ATP11B: variants seen among roughly 807,000 people sequenced by gnomAD.
ATP11B encodes phospholipid-transporting ATPase IF.
A neutral mutation model predicts 157.8 loss-of-function variants in ATP11B; 81 were observed. The observed-to-expected ratio is 0.51, with a 90% CI of 0.43 to 0.62. The LOEUF (loss-of-function observed/expected upper bound fraction) is 0.62, where lower values mean the gene tolerates loss of function less well. ATP11B is among the 20% of genes least tolerant of loss of function. The pLI, the probability that ATP11B is intolerant of heterozygous loss-of-function variation, is 0.00. For synonymous variants in ATP11B, 451 were observed against 469.4 expected, an observed-to-expected ratio of 0.96 and a Z score of 0.51; for missense variants, 1,165 against 1,402.2, an observed-to-expected ratio of 0.83 and a Z score of 2.70.
rs188531029 is a variant in ATP11B, at chr3:182,896,129, T to C, written c.2983-571T>C. 1.4e-3 allele frequency among the ~76,000 whole-genome samples: 206 copies of C among 152,358 alleles called. 3 individuals carry two copies. Among genetic ancestry groups the C allele is most frequent in the Middle Eastern group, 0.01 (3 of 294 alleles). On this transcript the variant is annotated intron_variant, in intron 25 of 29. Transcript: ENST00000323116. ...GGGTTCTGCGTGATTAATACCTTAG[T>C]AAGTTTTGGCTCTAAAGCCCAGGGG...
intron 1 of ATP11B, among the ~76,000 whole-genome samples, chr3:182,805,335 G>A (rs1716260835): frequency 6.6e-6 from 1 of 152,114 alleles, no homozygotes; most frequent in African/African-American, 2.4e-5. Flanking sequence ...GGTATGAATA[G>A]TATCTTACTG....
chr3:182,827,701 G>A (rs1469464315), intron 2 of ATP11B, among the ~76,000 whole-genome samples: 3 of 150,510 alleles, frequency 2.0e-5, no homozygotes, highest in Non-Finnish European at 4.4e-5. Context: ...TGTTTCTGAT[G>A]CTAAACTAAC....
intron 25 of ATP11B, among the ~76,000 whole-genome samples, chr3:182,892,340 AGTTT>A (rs1281312445): frequency 6.6e-6 from 1 of 152,158 alleles, no homozygotes. Flanking sequence ...CTTAGCACTG[AGTTT>A]GTTGAATGCT....
At chr3:182,881,841 C>T (rs1030201777) in intron 21 of ATP11B, among the ~76,000 whole-genome samples, 3 of 152,072 alleles carry the variant, frequency 2.0e-5, no homozygotes, top group South Asian at 2.1e-4. Context: ...GATCCTACAG[C>T]GCATTTTAAA....
rs199693389 is a variant in ATP11B, at chr3:182,914,811, G to A, written c.3452+817G>A. On this transcript the variant is annotated intron_variant, in intron 29 of 29. Transcript: ENST00000323116. ...TCCCCAAGAGTTATATCACTATTTA[G>A]AGGATGTTAGGGGGTAGAAAGAGCT... 4 of 985,290 alleles carry A rather than the reference G, an allele frequency of 4.1e-6. No individual in the cohort carries two copies. The East Asian group carries it at 4.5e-4, about 112-fold the overall frequency. The allele number at this position is 985,290 out of a possible 1,614,324, so 61.0% of individuals were successfully genotyped here. A position where few individuals can be genotyped will look rare whatever the true frequency, so the allele number is the denominator to read the frequency against.
intron 29 of ATP11B, chr3:182,914,720 A>C (rs1197934314): frequency 2.0e-6 from 2 of 985,322 alleles, no homozygotes; most frequent in Non-Finnish European, 2.4e-6. Flanking sequence ...ACGAAAAAAA[A>C]CACCTTTTGG....
At chr3:182,884,504 TA>T (rs1357628826) in intron 21 of ATP11B, among the ~76,000 whole-genome samples, 1 of 152,132 alleles carries the variant, frequency 6.6e-6, no homozygotes, top group Non-Finnish European at 1.5e-5. Flanking sequence ...TATTATTTTT[TA>T]TATTGTATTT....
chr3:182,820,526 AT>A (rs1717266324), intron 2 of ATP11B, 150 bp downstream of exon 2: 4 of 600,594 alleles, frequency 6.7e-6, no homozygotes, highest in Non-Finnish European at 1.2e-5. Flanking sequence ...TCTGCAAAAA[AT>A]CAAAAAATTA....
chr3:182,911,320 C>A (rs1461972945), intron 28 of ATP11B, among the ~76,000 whole-genome samples: 1 of 130,746 alleles, frequency 7.6e-6, no homozygotes, highest in Non-Finnish European at 1.5e-5. Context: ...CCACCTTTTT[C>A]ATCAAATCTT....
rs749269607 is a variant in ATP11B, at chr3:182,869,092, A to G, written c.1703A>G (p.His568Arg). 2 of 1,609,800 alleles carry G rather than the reference A, an allele frequency of 1.2e-6. No homozygotes were observed. The highest frequency in any genetic ancestry group is 2.2e-5 in the East Asian group (1 of 44,656). ...CTTTTGTTTAGGTACAAACTGCTTC[A>G]TATTCTGGAATTTGATTCAGATCGT... ...LGKLERYKLL[H>R]ILEFDSDRRR... Residue 568 changes from histidine (H) to arginine (R), a missense_variant, in exon 16 of 30, where the codon CAT (histidine) becomes CGT (arginine). His to Arg is a conservative substitution (Grantham distance 29, BLOSUM62 0). Transcript: ENST00000323116.
chr3:182,878,971 C>A (rs535571315), intron 19 of ATP11B, among the ~76,000 whole-genome samples: 36 of 152,214 alleles, frequency 2.4e-4, no homozygotes, highest in African/African-American at 7.2e-4. Flanking sequence ...TATATCAGTT[C>A]ATTGTAAAAT....
chr3:182,840,543 A>C (rs1162377444), intron 7 of ATP11B, among the ~76,000 whole-genome samples: 1 of 152,170 alleles, frequency 6.6e-6, no homozygotes, highest in Non-Finnish European at 1.5e-5. Flanking sequence ...CAAATTAATA[A>C]TCAAGCTGAA....
intron 10 of ATP11B, among the ~76,000 whole-genome samples, chr3:182,856,774 T>G (rs1720441302): frequency 6.6e-6 from 1 of 152,176 alleles, no homozygotes; most frequent in African/African-American, 2.4e-5. Context: ...TACTCCATAG[T>G]TAAGATTAGG....
At chr3:182,886,686 G>T (rs925636194) in intron 23 of ATP11B, among the ~76,000 whole-genome samples, 4 of 152,060 alleles carry the variant, frequency 2.6e-5, no homozygotes, top group African/African-American at 9.7e-5. Context: ...CCATAACTTT[G>T]ACCTACTGCT....
At chr3:182,908,485 G>T (rs1033427395) in intron 28 of ATP11B, 3 of 151,968 alleles carry the variant, frequency 2.0e-5, no homozygotes, top group Non-Finnish European at 4.4e-5. Flanking sequence ...GTAAGCCACC[G>T]CACCTGGCCC....
At chr3:182,800,597 A>G (rs1715936650) in intron 1 of ATP11B, among the ~76,000 whole-genome samples, 1 of 152,130 alleles carries the variant, frequency 6.6e-6, no homozygotes, top group Non-Finnish European at 1.5e-5. Context: ...TGTATTGTGA[A>G]TGACATGCAT....
intron 2 of ATP11B, among the ~76,000 whole-genome samples, chr3:182,823,884 G>A (rs149943661): frequency 6.6e-6 from 1 of 151,664 alleles, no homozygotes; most frequent in African/African-American, 2.4e-5. Flanking sequence ...TCAGTTTTAA[G>A]TGTGCAGTTT....
intron 19 of ATP11B, among the ~76,000 whole-genome samples, chr3:182,877,614 C>G (rs1023433972): frequency 2.6e-5 from 4 of 152,226 alleles, no homozygotes; most frequent in Non-Finnish European, 5.9e-5. Context: ...TGCACTCCAG[C>G]CTGGGTGACA....
chr3:182,794,621 G>T (rs990949166), intron 1 of ATP11B, among the ~76,000 whole-genome samples: 1 of 152,060 alleles, frequency 6.6e-6, no homozygotes, highest in Non-Finnish European at 1.5e-5. Flanking sequence ...CTTAGAAAAG[G>T]GTCATTTAAG....
Sources: gnomAD v4.1 joint callset for allele counts (sites outside exome capture counted in the v4.1 genomes callset) on GRCh38, gnomAD v4.1.1 for gene constraint, MANE v1.5 for transcripts, NCBI Gene and HGNC (gene_info 2026-07-23, HGNC 2026-07-21) for gene names.